TMEM108: variants seen among roughly 807,000 people sequenced by gnomAD.
TMEM108 encodes the protein transmembrane protein 108.
In TMEM108, 12 loss-of-function variants were observed where a neutral mutation model predicts 35.1. The observed-to-expected ratio is 0.34, with a 90% CI of 0.22 to 0.55. TMEM108 has a LOEUF of 0.55. TMEM108 is among the 20% of genes least tolerant of loss of function. TMEM108 has a pLI of 0.89. For missense variants in TMEM108, 680 were observed against 753.3 expected (o/e 0.90, Z 1.14); for synonymous variants, 287 against 308.6 (o/e 0.93, Z 0.73).
At chr3:133,040,931 A>G (rs1459623536) in intron 1 of TMEM108, among the ~76,000 whole-genome samples, 1 of 152,210 alleles carries the variant, frequency 6.6e-6, no homozygotes, top group East Asian at 1.9e-4. Flanking sequence ...CCTAAGCAGT[A>G]GTGTCCTCTG....
chr3:133,206,024 C>T (rs554331118), intron 2 of TMEM108, among the ~76,000 whole-genome samples: 12 of 152,246 alleles, frequency 7.9e-5, no homozygotes, highest in Admixed American at 4.6e-4. Flanking sequence ...TTAATCTTGT[C>T]TTCACAGTTT....
At chr3:133,333,447 A>T (rs890607802) in intron 3 of TMEM108, among the ~76,000 whole-genome samples, 3 of 152,170 alleles carry the variant, frequency 2.0e-5, no homozygotes, top group Non-Finnish European at 4.4e-5. Context: ...TTGGCTATAG[A>T]TAAGGACACA....
chr3:133,322,504 C>T (rs2071278977), intron 3 of TMEM108, among the ~76,000 whole-genome samples: 1 of 151,998 alleles, frequency 6.6e-6, no homozygotes, highest in Non-Finnish European at 1.5e-5. Context: ...GGACCAATAA[C>T]AAATAGTGAA....
intron 3 of TMEM108, among the ~76,000 whole-genome samples, chr3:133,350,126 C>T (rs750244555): frequency 4.6e-5 from 7 of 152,092 alleles, no homozygotes; most frequent in African/African-American, 7.2e-5. Flanking sequence ...TTTGCAACAA[C>T]ATGGATCAGC....
At chr3:133,357,222 G>T (rs1306700655) in intron 3 of TMEM108, among the ~76,000 whole-genome samples, 1 of 152,056 alleles carries the variant, frequency 6.6e-6, no homozygotes, top group Non-Finnish European at 1.5e-5. Context: ...AATTAAAACC[G>T]CAGTGAGATG....
intron 2 of TMEM108, among the ~76,000 whole-genome samples, chr3:133,152,557 G>A (rs568211129): frequency 1.8e-4 from 27 of 152,208 alleles, no homozygotes; most frequent in African/African-American, 6.3e-4. Flanking sequence ...CATGACCCCT[G>A]TATATCTCCC....
intron 2 of TMEM108, among the ~76,000 whole-genome samples, chr3:133,085,218 T>G (rs1024625877): frequency 6.6e-6 from 1 of 151,948 alleles, no homozygotes; most frequent in Non-Finnish European, 1.5e-5. Context: ...AGGGGAAGAG[T>G]CTCTTGCCTC....
chr3:133,378,275 C>A (rs4854719), intron 3 of TMEM108: 1 of 931,214 alleles, frequency 1.1e-6, no homozygotes, highest in Non-Finnish European at 1.3e-6. Context: ...ACACACCAAA[C>A]GGTGATCCTG....
At position 133,293,241 on chromosome 3, in the gene TMEM108, A is replaced by G. The variant is rs530387184; in HGVS notation, c.40+63890A>G. 8.5e-5 allele frequency among the ~76,000 whole-genome samples: 13 copies of G among 152,124 alleles called. No individual in the cohort carries two copies. In the South Asian group the frequency reaches 2.5e-3, roughly 29 times the overall value. On this transcript the variant is annotated intron_variant, in intron 3 of 5. Coordinates refer to ENST00000321871, the MANE Select transcript of TMEM108 (RefSeq NM_023943.4). ...ACTTTCTTCAACACTGAGTCCACAG[A>G]TGAATCAATCATGCCTACCTTTGAA...
intron 3 of TMEM108, chr3:133,378,650 A>C: frequency 4.9e-5 from 25 of 513,912 alleles, no homozygotes; most frequent in South Asian, 2.5e-4. Flanking sequence ...CCTACATGTC[A>C]TGCTTGCATG....
chr3:133,395,670 TAC>T (rs143963605), intron 5 of TMEM108, among the ~76,000 whole-genome samples, 192 bp from the exon 6 acceptor site: 9 of 151,438 alleles, frequency 5.9e-5, no homozygotes, highest in Non-Finnish European at 1.0e-4. Context: ...AATATACACA[TAC>T]ACACACACAC....
At position 133,226,642 on chromosome 3, in the gene TMEM108, G is replaced by A. The variant is rs145830127; in HGVS notation, c.-46-2624G>A. ...ATCATGGCCTGAGCTAGTTTTTCAG[G>A]TTTCTTTGGAATTCCCTTGGCTGAG... is the stretch of plus-strand genomic sequence containing the variant. On this transcript the variant is annotated intron_variant, in intron 2 of 5. Coordinates refer to ENST00000321871, the MANE Select transcript of TMEM108 (RefSeq NM_023943.4). Among the ~76,000 whole-genome samples the A allele has an allele frequency of 3.9e-3, 601 of 152,258 alleles. 5 individuals carry two copies. The highest frequency in any genetic ancestry group is 0.014 in the African/African-American group (575 of 41,550).
chr3:133,343,038 A>G (rs923354639), intron 3 of TMEM108, among the ~76,000 whole-genome samples: 1 of 151,868 alleles, frequency 6.6e-6, no homozygotes, highest in African/African-American at 2.4e-5. Context: ...AATATGTGCA[A>G]TTATTACATG....
At chr3:133,352,698 A>G (rs2072040145) in intron 3 of TMEM108, among the ~76,000 whole-genome samples, 1 of 152,210 alleles carries the variant, frequency 6.6e-6, no homozygotes, top group African/African-American at 2.4e-5. Flanking sequence ...AGACGTGCCT[A>G]GGGCAAGGTA....
rs114473022 is a variant in TMEM108, at chr3:133,237,262, A to T, written c.40+7911A>T. Among the ~76,000 whole-genome samples the T allele has an allele frequency of 2.5e-3, 380 of 152,192 alleles. 1 individual carries two copies. Among genetic ancestry groups the T allele is most frequent in the African/African-American group, 8.7e-3 (360 of 41,524 alleles). On this transcript the variant is annotated intron_variant, in intron 3 of 5. Transcript: ENST00000321871. The stretch of plus-strand genomic sequence containing the variant: ...AGATTTTGCAATCCCAAATACATGA[A>T]GCCATCCTTGACTTTCCTCCCACCC...
At chr3:133,282,824 T>C (rs2107689739) in intron 3 of TMEM108, among the ~76,000 whole-genome samples, 1 of 152,252 alleles carries the variant, frequency 6.6e-6, no homozygotes, top group East Asian at 1.9e-4. Flanking sequence ...AAGAAAGAAA[T>C]TATTTGATTT....
At chr3:133,065,678 T>A (rs867848884) in intron 2 of TMEM108, among the ~76,000 whole-genome samples, 5 of 152,174 alleles carry the variant, frequency 3.3e-5, no homozygotes, top group East Asian at 1.9e-4. Flanking sequence ...TTAAAAAAAA[T>A]TTATGTCCAT....
chr3:133,271,616 T>C (rs1576424982), intron 3 of TMEM108, among the ~76,000 whole-genome samples: 1 of 152,176 alleles, frequency 6.6e-6, no homozygotes, highest in African/African-American at 2.4e-5. Flanking sequence ...ATTGCCCAGA[T>C]AGTGTGTGAG....
intron 2 of TMEM108, among the ~76,000 whole-genome samples, chr3:133,164,808 A>G (rs1469081617): frequency 2.0e-5 from 3 of 152,212 alleles, no homozygotes; most frequent in African/African-American, 7.2e-5. Context: ...TTAAATGTTC[A>G]CAAGAGAGGT....
Sources: allele counts gnomAD v4.1 joint callset (sites outside exome capture counted in the v4.1 genomes callset), GRCh38; gene constraint gnomAD v4.1.1; transcripts MANE v1.5; gene names NCBI Gene and HGNC (gene_info 2026-07-23, HGNC 2026-07-21).